The following SLC5A4 variants were observed in gnomAD, a reference collection of about 807,000 sequenced individuals.
The protein encoded by SLC5A4 is probable glucose sensor protein SLC5A4.
Under a neutral mutation model 70.3 loss-of-function variants are expected in SLC5A4, and 55 were observed. The ratio of observed to expected loss-of-function variants is 0.78; its 90% CI spans 0.63 to 0.98. SLC5A4 has a LOEUF of 0.98. Among genes scored for constraint, SLC5A4 ranks in the 50% least tolerant of loss-of-function variants. The pLI is 0.00. For synonymous variants in SLC5A4, 268 were observed against 305.7 expected (o/e 0.88, Z 1.29); for missense variants, 735 against 839.2 (o/e 0.88, Z 1.53).
intron 5 of SLC5A4, among the ~76,000 whole-genome samples, chr22:32,240,381 A>C (rs1269910624): frequency 1.3e-5 from 2 of 152,190 alleles, no homozygotes; most frequent in Admixed American, 1.3e-4. Context: ...TGTTTGGCTC[A>C]GCATAATTAA....
the SLC5A4 span, among the ~76,000 whole-genome samples, chr22:32,292,142 ATATTC>A: frequency 9.2e-5 from 6 of 65,068 alleles, no homozygotes; most frequent in African/African-American, 2.1e-4. Flanking sequence ...ATTATATATT[ATATTC>A]TATATATTAT....
chr22:32,319,278 G>T, the SLC5A4 span, among the ~76,000 whole-genome samples: 1 of 151,252 alleles, frequency 6.6e-6, no homozygotes, highest in South Asian at 2.1e-4. Flanking sequence ...TCAGGCCCTC[G>T]ACCACACTGG....
At chr22:32,338,643 T>G in the SLC5A4 span, among the ~76,000 whole-genome samples, 3 of 152,210 alleles carry the variant, frequency 2.0e-5, no homozygotes, top group East Asian at 5.8e-4. Flanking sequence ...CACTCCAGCC[T>G]GGGCGACAGA....
chr22:32,321,987 T>C, the SLC5A4 span, among the ~76,000 whole-genome samples: 15 of 152,238 alleles, frequency 9.9e-5, no homozygotes, highest in South Asian at 2.5e-3. Flanking sequence ...TTGTGCATAA[T>C]TTGGGCATCA....
At chr22:32,258,741 A>T (rs1193867303), upstream of SLC5A4, among the ~76,000 whole-genome samples, 1 of 152,236 alleles carries the variant, frequency 6.6e-6, no homozygotes, top group Non-Finnish European at 1.5e-5. Flanking sequence ...GTATCCAAAA[A>T]AATTGAAATT....
At chr22:32,325,410 C>T in the SLC5A4 span, among the ~76,000 whole-genome samples, 2 of 152,160 alleles carry the variant, frequency 1.3e-5, no homozygotes, top group Non-Finnish European at 2.9e-5. Flanking sequence ...CAGAGCTGGG[C>T]CCTGGACAAG....
At chr22:32,274,089 G>A in the SLC5A4 span, among the ~76,000 whole-genome samples, 8 of 151,182 alleles carry the variant, frequency 5.3e-5, no homozygotes, top group African/African-American at 1.9e-4. Flanking sequence ...ACCCAGGCTG[G>A]AGTGCAGTGG....
the SLC5A4 span, among the ~76,000 whole-genome samples, chr22:32,286,651 C>G: frequency 6.6e-6 from 1 of 152,152 alleles, no homozygotes; most frequent in Non-Finnish European, 1.5e-5. Context: ...GACACTGATA[C>G]TGGAGGCTGG....
At chr22:32,262,714 A>G in the SLC5A4 span, among the ~76,000 whole-genome samples, 1,967 of 152,142 alleles carry the variant, frequency 0.013, 49 homozygotes, top group African/African-American at 0.045. Flanking sequence ...AAAGAAAAGA[A>G]AGTTCAAATT....
the SLC5A4 span, among the ~76,000 whole-genome samples, chr22:32,302,261 T>TGTG: frequency 0.13 from 19,562 of 149,878 alleles, 1,537 homozygotes; most frequent in Non-Finnish European, 0.18. Context: ...TTTTTTTTTT[T>TGTG]TGTGTCTAGC....
upstream of SLC5A4, chr22:32,255,365 G>A (rs373584672): frequency 1.2e-6 from 2 of 1,605,330 alleles, no homozygotes; most frequent in African/African-American, 1.3e-5. Context: ...CCACGCATGA[G>A]CCATCTTTAT....
chr22:32,271,883 G>T, the SLC5A4 span: 1 of 591,936 alleles, frequency 1.7e-6, no homozygotes, highest in Non-Finnish European at 3.3e-6. Context: ...GGCTTACCAT[G>T]TGGAGTCCAA....
At chr22:32,294,706 C>T in the SLC5A4 span, among the ~76,000 whole-genome samples, 1 of 147,674 alleles carries the variant, frequency 6.8e-6, no homozygotes, top group African/African-American at 2.5e-5. Context: ...GGTACATGTG[C>T]ACATTGTGCA....
the SLC5A4 span, among the ~76,000 whole-genome samples, chr22:32,322,955 T>C: frequency 1.1e-4 from 16 of 152,218 alleles, no homozygotes; most frequent in Non-Finnish European, 1.6e-4. Context: ...TATCTTTACC[T>C]TTTTTCTTTT....
chr22:32,239,521 TATA>T (rs1569374565), intron 5 of SLC5A4, among the ~76,000 whole-genome samples: 3 of 5,380 alleles, frequency 5.6e-4, no homozygotes, highest in Admixed American at 3.1e-3. Context: ...GTGCATATTA[TATA>T]TATATATATA....
the SLC5A4 span, among the ~76,000 whole-genome samples, chr22:32,350,870 CA>C: frequency 6.7e-6 from 1 of 148,672 alleles, no homozygotes; most frequent in Non-Finnish European, 1.5e-5. Context: ...TTCCTTAAAG[CA>C]GTCAATACAA....
At chr22:32,226,002 T>A (rs188316533) in intron 11 of SLC5A4, among the ~76,000 whole-genome samples, 179 bp from the exon 12 acceptor site, 12 of 152,328 alleles carry the variant, frequency 7.9e-5, no homozygotes, top group African/African-American at 2.9e-4. Flanking sequence ...AAAGTGCCAA[T>A]AAAGCAATTG....
the SLC5A4 span, among the ~76,000 whole-genome samples, chr22:32,262,258 A>G: frequency 6.6e-6 from 1 of 152,162 alleles, no homozygotes; most frequent in East Asian, 1.9e-4. Flanking sequence ...ACTGTTCTCC[A>G]TAGTGGTTGT....
the SLC5A4 span, among the ~76,000 whole-genome samples, chr22:32,307,607 C>CT: frequency 2.0e-5 from 3 of 152,180 alleles, no homozygotes; most frequent in Non-Finnish European, 4.4e-5. Flanking sequence ...CGCCTGACTG[C>CT]TTAACATTTG....
Sources: allele counts gnomAD v4.1 joint callset (sites outside exome capture counted in the v4.1 genomes callset), GRCh38; gene constraint gnomAD v4.1.1; transcripts MANE v1.5; gene names NCBI Gene and HGNC (gene_info 2026-07-23, HGNC 2026-07-21).